The following ABR variants were observed in gnomAD, a reference collection of about 807,000 sequenced individuals.
ABR encodes active breakpoint cluster region-related protein.
In ABR, 35 loss-of-function variants were observed where a neutral mutation model predicts 107.2. That is an observed-to-expected ratio of 0.33 (90% CI 0.25 to 0.43). ABR has a LOEUF of 0.43. Ranked by LOEUF, ABR falls within the 20% of genes least tolerant of loss-of-function variation. The pLI, the probability that ABR is intolerant of heterozygous loss-of-function variation, is 1.00. For synonymous variants in ABR, 498 were observed against 462.0 expected, an observed-to-expected ratio of 1.08 and a Z score of -1.00; for missense variants, 815 against 1,115.2, an observed-to-expected ratio of 0.73 and a Z score of 3.83.
At chr17:1,208,372 C>T (rs1355082860) in intron 1 of ABR, among the ~76,000 whole-genome samples, 2 of 152,176 alleles carry the variant, frequency 1.3e-5, no homozygotes, top group South Asian at 2.1e-4. Context: ...TTGACATTCT[C>T]CTCTCCAGGA....
At chr17:1,086,748 G>T (rs991007442) in intron 4 of ABR, among the ~76,000 whole-genome samples, 4 of 152,052 alleles carry the variant, frequency 2.6e-5, no homozygotes, top group East Asian at 1.9e-4. Flanking sequence ...TGATCCACCC[G>T]CCTCCGCCTC....
intron 1 of ABR, among the ~76,000 whole-genome samples, chr17:1,178,327 G>C (rs1462694784): frequency 2.6e-5 from 4 of 152,042 alleles, no homozygotes; most frequent in East Asian, 3.9e-4. Flanking sequence ...ACTTTGGGAG[G>C]CTGAGGCAGG....
At chr17:1,172,998 AACACATCAC>A (rs2041777020) in intron 1 of ABR, among the ~76,000 whole-genome samples, 2 of 87,936 alleles carry the variant, frequency 2.3e-5, no homozygotes, top group Admixed American at 1.2e-4. Flanking sequence ...CAGTCCACCC[AACACATCAC>A]CTCAGTCCAC....
At chr17:1,013,908 G>A (rs915939531) in intron 16 of ABR, among the ~76,000 whole-genome samples, 3 of 152,194 alleles carry the variant, frequency 2.0e-5, no homozygotes, top group East Asian at 1.9e-4. Flanking sequence ...TCTGTAACTC[G>A]GGGGCCTTCG....
intron 10 of ABR, among the ~76,000 whole-genome samples, chr17:1,061,080 A>G (rs1363632917): frequency 1.3e-5 from 2 of 152,190 alleles, no homozygotes; most frequent in Non-Finnish European, 2.9e-5. Context: ...AGTGACTCAC[A>G]TGTACCACAC....
upstream of ABR, chr17:1,187,442 CA>C (rs1376810396): frequency 6.6e-6 from 1 of 152,318 alleles, no homozygotes; most frequent in Non-Finnish European, 1.5e-5. Context: ...AGTGCCTGGA[CA>C]AAAATCTCCA....
At chr17:1,031,198 G>A (rs1167666358) in intron 16 of ABR, among the ~76,000 whole-genome samples, 2 of 152,044 alleles carry the variant, frequency 1.3e-5, no homozygotes, top group Non-Finnish European at 1.5e-5. Flanking sequence ...TGCTGCGGTC[G>A]GCGCCCCTCA....
intron 1 of ABR, among the ~76,000 whole-genome samples, chr17:1,173,167 T>A (rs1224610697): frequency 2.0e-5 from 2 of 99,642 alleles, no homozygotes; most frequent in Non-Finnish European, 3.8e-5. Flanking sequence ...ACACATCACC[T>A]CAGTCCACCC....
chr17:1,168,958 G>A (rs888631940), intron 1 of ABR, among the ~76,000 whole-genome samples: 9 of 152,260 alleles, frequency 5.9e-5, no homozygotes, highest in Non-Finnish European at 1.0e-4. Flanking sequence ...TCTGCAAGAC[G>A]CTTGCTGGCC....
chr17:1,169,664 A>G (rs1211320313), intron 1 of ABR, among the ~76,000 whole-genome samples: 2 of 152,100 alleles, frequency 1.3e-5, no homozygotes, highest in Non-Finnish European at 1.5e-5. Context: ...CCCCGTCATT[A>G]ACATGCTGCG....
At chr17:1,022,052 A>G (rs1349756173) in intron 16 of ABR, among the ~76,000 whole-genome samples, 13 of 143,656 alleles carry the variant, frequency 9.0e-5, no homozygotes, top group Non-Finnish European at 6.0e-5. Context: ...GGTTGCAGTG[A>G]GCCAAGATAG....
At chr17:1,016,596 G>A (rs896714092) in intron 16 of ABR, among the ~76,000 whole-genome samples, 9 of 151,956 alleles carry the variant, frequency 5.9e-5, no homozygotes, top group Admixed American at 2.0e-4. Flanking sequence ...GATTACAGGT[G>A]TGACCCACCA....
intron 3 of ABR, among the ~76,000 whole-genome samples, chr17:1,097,586 G>A (rs916636878): frequency 6.7e-4 from 51 of 75,770 alleles, no homozygotes; most frequent in Admixed American, 4.3e-3. Context: ...GCAAGACTCC[G>A]TCTCAAAAAA....
At chr17:1,066,725 T>A (rs1424144308) in intron 10 of ABR, among the ~76,000 whole-genome samples, 2 of 152,012 alleles carry the variant, frequency 1.3e-5, no homozygotes, top group African/African-American at 4.8e-5. Flanking sequence ...GACAGGGTTT[T>A]GCCATGTTGG....
chr17:1,168,330 T>C (rs11655015), intron 1 of ABR, among the ~76,000 whole-genome samples: 56,896 of 152,002 alleles, frequency 0.37, 13,302 homozygotes, highest in Non-Finnish European at 0.52. Context: ...TGCTAAGCGA[T>C]GTGAGCCGGA....
chr17:1,012,387 T>C, intron 18 of ABR: 1 of 660,388 alleles, frequency 1.5e-6, no homozygotes, highest in Non-Finnish European at 2.8e-6. Context: ...CCAGTCCCCG[T>C]TGGTGCCGAG....
rs578095526 is a variant in ABR, at chr17:1,200,612, C to T, written c.838+28181G>A. ...CCAGCTTCATTTTCTCCCCTCCTCC[C>T]GTTACATCAAGCAGAACAAGTTTCA... On this transcript the variant is annotated intron_variant, in intron 1 of 22. Transcript: ENST00000574139. The surrounding 1 kb of genome is among the most constrained non-coding windows in gnomAD (Gnocchi z 4.1). Among the ~76,000 whole-genome samples, 18 of 152,092 alleles carry T rather than the reference C, an allele frequency of 1.2e-4. No individual in the cohort carries two copies. Among genetic ancestry groups the T allele is most frequent in the Admixed American group, 1.0e-3 (16 of 15,244 alleles).
At chr17:1,224,644 A>G (rs1366985988) in intron 1 of ABR, among the ~76,000 whole-genome samples, 1 of 152,160 alleles carries the variant, frequency 6.6e-6, no homozygotes, top group African/African-American at 2.4e-5. Flanking sequence ...AAAGAGTCAG[A>G]GCCTTGCTGG....
intron 6 of ABR, among the ~76,000 whole-genome samples, chr17:1,075,759 G>A (rs1032362138): frequency 2.0e-5 from 3 of 152,114 alleles, no homozygotes; most frequent in African/African-American, 7.2e-5. Flanking sequence ...TAGAGACGAG[G>A]GGCCGGGCAG....
Sources: gnomAD v4.1 joint callset for allele counts (sites outside exome capture counted in the v4.1 genomes callset) on GRCh38, gnomAD v4.1.1 for gene constraint, Gnocchi (gnomAD v3.1) non-coding constraint, MANE v1.5 for transcripts, NCBI Gene and HGNC (gene_info 2026-07-23, HGNC 2026-07-21) for gene names.